Variants in MAST4 observed in about 807,000 individuals in gnomAD.
MAST4 encodes microtubule-associated serine/threonine-protein kinase 4.
In MAST4, 89 loss-of-function variants were observed where a neutral mutation model predicts 162.7. The ratio of observed to expected loss-of-function variants is 0.55; its 90% confidence interval spans 0.46 to 0.65. The LOEUF is 0.65. Ranked by LOEUF, MAST4 falls within the 30% of genes least tolerant of loss-of-function variation. The probability of loss-of-function intolerance (pLI) is 0.00; values close to 1 mark genes in which losing one functional copy is unlikely to be tolerated. For missense variants in MAST4, 3,153 were observed against 3,374.0 expected, an observed-to-expected ratio of 0.93 and a Z score of 1.62; for synonymous variants, 1,479 against 1,361.1, an observed-to-expected ratio of 1.09 and a Z score of -1.91.
intron 14 of MAST4, among the ~76,000 whole-genome samples, chr5:67,124,859 G>A (rs1768030072): frequency 6.6e-6 from 1 of 152,172 alleles, no homozygotes; most frequent in Admixed American, 6.5e-5. Flanking sequence ...GAGAGACCCA[G>A]TGAGGATGCT....
intron 1 of MAST4, among the ~76,000 whole-genome samples, chr5:66,606,127 T>C (rs188801629): frequency 5.3e-4 from 80 of 152,330 alleles, no homozygotes; most frequent in South Asian, 1.4e-3. Context: ...TCTTCTTCTC[T>C]ATCTATAGTT....
intron 1 of MAST4, among the ~76,000 whole-genome samples, chr5:66,742,469 A>G (rs1158915740): frequency 6.6e-6 from 1 of 152,152 alleles, no homozygotes; most frequent in South Asian, 2.1e-4. Context: ...ATGGTTAAAA[A>G]AACAAAAAGG....
chr5:67,110,096 A>G lies in MAST4; in HGVS notation c.1357-2A>G. 6.2e-7 allele frequency: 1 copy of G among 1,608,958 alleles called. No homozygotes were observed. The highest frequency in any genetic ancestry group is 8.5e-7 in the Non-Finnish European group (1 of 1,175,536). On this transcript the variant is annotated splice_acceptor_variant, in intron 10 of 28. Coordinates refer to ENST00000403625, the MANE Select transcript of MAST4 (RefSeq NM_001164664.2). LOFTEE classifies it high-confidence loss of function. Reference sequence around the variant, plus strand: ...ATCACTCTCTTTATTGCTTTTTCATAGGCTCATGATCGTTCAGAAAGTGGA... The same window carrying G: ...ATCACTCTCTTTATTGCTTTTTCATGGGCTCATGATCGTTCAGAAAGTGGA...
At chr5:66,746,882 A>G (rs1166497798) in intron 1 of MAST4, among the ~76,000 whole-genome samples, 1 of 152,238 alleles carries the variant, frequency 6.6e-6, no homozygotes, top group African/African-American at 2.4e-5. Context: ...GTAAACTTTG[A>G]GAAATGATTC....
chr5:66,976,122 A>C (rs1314013146), intron 4 of MAST4, among the ~76,000 whole-genome samples: 1 of 152,208 alleles, frequency 6.6e-6, no homozygotes, highest in African/African-American at 2.4e-5. Context: ...GCTTTACCTC[A>C]TGGGATCATT....
intron 3 of MAST4, among the ~76,000 whole-genome samples, chr5:66,837,704 A>G (rs1411723364): frequency 6.6e-6 from 1 of 151,714 alleles, no homozygotes; most frequent in Non-Finnish European, 1.5e-5. Flanking sequence ...GTGTGCAGCC[A>G]GAGTTGAAAC....
At chr5:66,907,988 A>G (rs756398759) in intron 4 of MAST4, among the ~76,000 whole-genome samples, 3 of 152,208 alleles carry the variant, frequency 2.0e-5, no homozygotes, top group African/African-American at 7.2e-5. Context: ...TCAAAGCCAC[A>G]TGGAAGTCCA....
At chr5:66,630,719 T>A (rs565167367) in intron 1 of MAST4, among the ~76,000 whole-genome samples, 85 of 152,176 alleles carry the variant, frequency 5.6e-4, no homozygotes, top group Non-Finnish European at 1.0e-3. Flanking sequence ...AAAACATTAT[T>A]TCATTATCTC....
intron 14 of MAST4, among the ~76,000 whole-genome samples, chr5:67,123,319 G>A (rs1305999979): frequency 6.6e-6 from 1 of 152,190 alleles, no homozygotes; most frequent in Non-Finnish European, 1.5e-5. Flanking sequence ...CATACTTGGT[G>A]AAAATTCATG....
intron 4 of MAST4, among the ~76,000 whole-genome samples, chr5:66,946,532 G>A (rs953011973): frequency 2.6e-5 from 4 of 152,120 alleles, no homozygotes; most frequent in African/African-American, 9.7e-5. Context: ...GAATGATACA[G>A]GCATTGGATG....
chr5:66,941,379 TC>T (rs1743353165), intron 4 of MAST4, among the ~76,000 whole-genome samples: 1 of 152,178 alleles, frequency 6.6e-6, no homozygotes. Flanking sequence ...AGCTTCTACA[TC>T]AGAACTTGCT....
chr5:66,831,059 G>T (rs79110881), intron 3 of MAST4, among the ~76,000 whole-genome samples: 2 of 152,108 alleles, frequency 1.3e-5, no homozygotes, highest in African/African-American at 4.8e-5. Context: ...ATAAGTAGAT[G>T]GGTAGAGTTG....
intron 4 of MAST4, among the ~76,000 whole-genome samples, chr5:66,973,608 G>A (rs73766104): frequency 0.031 from 4,691 of 152,096 alleles, 247 homozygotes; most frequent in African/African-American, 0.11. Context: ...AGTAATCTCT[G>A]GGGTAAAATT....
At chr5:67,038,539 A>G (rs934615099) in intron 4 of MAST4, among the ~76,000 whole-genome samples, 2 of 152,138 alleles carry the variant, frequency 1.3e-5, no homozygotes, top group African/African-American at 2.4e-5. Context: ...AAAACAAGAA[A>G]ACCAAATTGA....
rs184633952 is a variant in MAST4 at position 66,834,728 on chromosome 5, C to T, written c.642+45934C>T. Among the ~76,000 whole-genome samples, 5 of 152,270 alleles carry T rather than the reference C, an allele frequency of 3.3e-5. No individual in the cohort carries two copies. In the East Asian group the frequency reaches 9.7e-4, roughly 29 times the overall value. ...AAAGCCATGGCCCCCAGCCATTGCCCACTGTTGTGTGAGATAACATAGACT... is the reference window on the plus strand; with the variant it reads ...AAAGCCATGGCCCCCAGCCATTGCCTACTGTTGTGTGAGATAACATAGACT... On this transcript the variant is annotated intron_variant, in intron 3 of 28. Coordinates refer to ENST00000403625, the MANE Select transcript of MAST4 (RefSeq NM_001164664.2).
At chr5:67,156,630 G>T (rs1473582355) in intron 26 of MAST4, among the ~76,000 whole-genome samples, 1 of 152,214 alleles carries the variant, frequency 6.6e-6, no homozygotes, top group Non-Finnish European at 1.5e-5. Flanking sequence ...AAATGATGAG[G>T]TGTGTAAACA....
intron 1 of MAST4, among the ~76,000 whole-genome samples, chr5:66,709,800 G>A (rs747250841): frequency 2.0e-5 from 3 of 152,066 alleles, no homozygotes; most frequent in Non-Finnish European, 2.9e-5. Context: ...TAACTTACTA[G>A]CTTTGTGTTT....
At chr5:67,031,914 A>G (rs895751056) in intron 4 of MAST4, among the ~76,000 whole-genome samples, 1 of 152,148 alleles carries the variant, frequency 6.6e-6, no homozygotes, top group African/African-American at 2.4e-5. Flanking sequence ...GAACTAGATC[A>G]CTGGTGTCCT....
intron 1 of MAST4, among the ~76,000 whole-genome samples, chr5:66,715,912 G>A (rs1418237577): frequency 6.6e-6 from 1 of 151,830 alleles, no homozygotes; most frequent in Non-Finnish European, 1.5e-5. Context: ...TTATACATTT[G>A]TTCTCTCAAA....
Sources: allele counts gnomAD v4.1 joint callset (sites outside exome capture counted in the v4.1 genomes callset), GRCh38; gene constraint gnomAD v4.1.1; transcripts MANE v1.5; gene names NCBI Gene and HGNC (gene_info 2026-07-23, HGNC 2026-07-21).